Variants in PTPRD observed in about 807,000 individuals in gnomAD.
PTPRD encodes the protein protein tyrosine phosphatase receptor type D.
PTPRD carries 34 observed loss-of-function variants against 214.5 expected under a neutral mutation model. The observed-to-expected ratio is 0.16, with a 90% CI of 0.12 to 0.21. The LOEUF is 0.21. Among genes scored for constraint, PTPRD ranks in the 10% least tolerant of loss-of-function variants. The pLI, the probability that PTPRD is intolerant of heterozygous loss-of-function variation, is 1.00. For synonymous variants in PTPRD, 1,128 were observed against 845.7 expected (o/e 1.33, Z -5.79); for missense variants, 2,545 against 2,398.7 (o/e 1.06, Z -1.27).
At chr9:9,839,660 T>A (rs1373163783) in intron 5 of PTPRD, among the ~76,000 whole-genome samples, 4 of 151,894 alleles carry the variant, frequency 2.6e-5, no homozygotes, top group African/African-American at 9.7e-5. Flanking sequence ...GCCATCCCCA[T>A]CAAGCTACCA....
chr9:10,238,609 T>C (rs1244151791), intron 3 of PTPRD, among the ~76,000 whole-genome samples: 1 of 151,946 alleles, frequency 6.6e-6, no homozygotes, highest in African/African-American at 2.4e-5. Flanking sequence ...CTTAAATGTA[T>C]ACAATTTCAT....
intron 5 of PTPRD, among the ~76,000 whole-genome samples, chr9:9,926,029 C>A (rs1417687057): frequency 6.6e-6 from 1 of 151,946 alleles, no homozygotes; most frequent in African/African-American, 2.4e-5. Context: ...TGGGGTCTTT[C>A]TATGTTGCCC....
chr9:10,147,679 A>C (rs2099032742), intron 3 of PTPRD, among the ~76,000 whole-genome samples: 1 of 152,004 alleles, frequency 6.6e-6, no homozygotes, highest in African/African-American at 2.4e-5. Flanking sequence ...CAGGAGTTCA[A>C]GACCAGCCTG....
intron 10 of PTPRD, among the ~76,000 whole-genome samples, chr9:9,054,458 T>C (rs1422413649): frequency 2.6e-5 from 4 of 152,164 alleles, no homozygotes; most frequent in African/African-American, 9.7e-5. Context: ...TATCATGACG[T>C]TTACCAGTAA....
At chr9:8,560,626 C>A (rs529320861) in intron 14 of PTPRD, among the ~76,000 whole-genome samples, 1 of 152,228 alleles carries the variant, frequency 6.6e-6, no homozygotes, top group South Asian at 2.1e-4. Flanking sequence ...GATGACATAG[C>A]AATGGAAAGA....
chr9:8,454,144 A>T (rs2096080324), intron 33 of PTPRD, among the ~76,000 whole-genome samples: 1 of 152,202 alleles, frequency 6.6e-6, no homozygotes, highest in Non-Finnish European at 1.5e-5. Flanking sequence ...AGGCACTGTC[A>T]TCAATATTTG....
chr9:8,982,142 TAA>T (rs1367442033), intron 11 of PTPRD, among the ~76,000 whole-genome samples: 3 of 152,042 alleles, frequency 2.0e-5, no homozygotes, highest in Non-Finnish European at 2.9e-5. Flanking sequence ...TTCACATTGT[TAA>T]AAGAGGAAAA....
At chr9:10,245,736 G>A (rs2091968167) in intron 3 of PTPRD, among the ~76,000 whole-genome samples, 1 of 152,166 alleles carries the variant, frequency 6.6e-6, no homozygotes, top group South Asian at 2.1e-4. Flanking sequence ...GTATATGTGT[G>A]TGTATTGGGA....
intron 2 of PTPRD, among the ~76,000 whole-genome samples, chr9:10,528,044 C>T (rs1220261997): frequency 6.6e-6 from 1 of 151,988 alleles, no homozygotes. Flanking sequence ...CTCACAAAAC[C>T]TCAACAAGGA....
At chr9:10,471,945 C>CA (rs543115292) in intron 2 of PTPRD, among the ~76,000 whole-genome samples, 104 of 151,950 alleles carry the variant, frequency 6.8e-4, no homozygotes, top group African/African-American at 2.4e-3. Flanking sequence ...CCCGACAATT[C>CA]AAAAAACGAT....
intron 11 of PTPRD, among the ~76,000 whole-genome samples, chr9:8,906,780 G>A (rs1432221021): frequency 6.6e-6 from 1 of 151,842 alleles, no homozygotes; most frequent in African/African-American, 2.4e-5. Flanking sequence ...TGGTCTTTTC[G>A]GCAGACTATA....
chr9:9,552,589 C>G (rs1465477813), intron 8 of PTPRD, among the ~76,000 whole-genome samples: 1 of 151,990 alleles, frequency 6.6e-6, no homozygotes, highest in Non-Finnish European at 1.5e-5. Context: ...CTATAGCAAA[C>G]TTCTTCTGTC....
intron 14 of PTPRD, among the ~76,000 whole-genome samples, chr9:8,550,357 T>A (rs199764059): frequency 6.6e-6 from 1 of 152,202 alleles, no homozygotes; most frequent in South Asian, 2.1e-4. Context: ...TGTCATATAG[T>A]AAATACTTTA....
At chr9:9,467,819 C>T (rs1670782069) in intron 8 of PTPRD, among the ~76,000 whole-genome samples, 2 of 152,066 alleles carry the variant, frequency 1.3e-5, no homozygotes, top group African/African-American at 2.4e-5. Context: ...TGGTTAATTA[C>T]ACAAATATCA....
At chr9:8,341,499 G>A (rs539096344) in intron 40 of PTPRD, among the ~76,000 whole-genome samples, 194 bp downstream of exon 40, 4 of 152,106 alleles carry the variant, frequency 2.6e-5, no homozygotes, top group East Asian at 3.9e-4. Context: ...GAGACATAAG[G>A]GCTCAAGATA....
intron 5 of PTPRD, among the ~76,000 whole-genome samples, chr9:9,897,063 T>A (rs972812920): frequency 1.3e-5 from 2 of 151,882 alleles, no homozygotes; most frequent in South Asian, 2.1e-4. Context: ...ATCACAAGAA[T>A]TTTGACATTC....
intron 14 of PTPRD, among the ~76,000 whole-genome samples, chr9:8,599,654 A>AC (rs1179324684): frequency 2.8e-4 from 25 of 90,116 alleles, no homozygotes; most frequent in Admixed American, 3.6e-4. Flanking sequence ...ACGGAGTTTC[A>AC]CTCTTGTTGC....
intron 5 of PTPRD, among the ~76,000 whole-genome samples, chr9:9,918,964 G>A (rs1000103353): frequency 6.6e-6 from 1 of 151,984 alleles, no homozygotes; most frequent in Non-Finnish European, 1.5e-5. Flanking sequence ...ACAGATCAAT[G>A]AATGCCATTA....
At chr9:10,425,325 C>G (rs1032282709) in intron 2 of PTPRD, among the ~76,000 whole-genome samples, 1 of 151,938 alleles carries the variant, frequency 6.6e-6, no homozygotes, top group Admixed American at 6.6e-5. Context: ...TACTTTACAA[C>G]ACATTAAACC....
Sources: gnomAD v4.1 joint callset for allele counts (sites outside exome capture counted in the v4.1 genomes callset) on GRCh38, gnomAD v4.1.1 for gene constraint, MANE v1.5 for transcripts, NCBI Gene and HGNC (gene_info 2026-07-23, HGNC 2026-07-21) for gene names.